ADAM22: variants seen among roughly 807,000 people sequenced by gnomAD.
ADAM22 encodes ADAM metallopeptidase domain 22, also known as disintegrin and metalloproteinase domain-containing protein 22.
Under a neutral mutation model 144.6 loss-of-function variants are expected in ADAM22, and 65 were observed. That is an observed-to-expected ratio of 0.45 (90% confidence interval 0.37 to 0.55). The LOEUF (loss-of-function observed/expected upper bound fraction) is 0.55, where lower values mean the gene tolerates loss of function less well. Ranked by LOEUF, ADAM22 falls within the 20% of genes least tolerant of loss-of-function variation. The probability of loss-of-function intolerance (pLI) is 0.00; values close to 1 mark genes in which losing one functional copy is unlikely to be tolerated. For missense variants in ADAM22, 974 were observed against 1,184.9 expected (o/e 0.82, Z 2.61); for synonymous variants, 391 against 412.6 (o/e 0.95, Z 0.63).
At chr7:88,140,975 G>A (rs1012033154) in intron 14 of ADAM22, among the ~76,000 whole-genome samples, 2 of 152,154 alleles carry the variant, frequency 1.3e-5, no homozygotes, top group African/African-American at 2.4e-5. Context: ...GGAGGGGGGA[G>A]AGGGTGTGTC....
chr7:88,048,762 G>A (rs1295467488), intron 3 of ADAM22, among the ~76,000 whole-genome samples: 1 of 152,008 alleles, frequency 6.6e-6, no homozygotes, highest in South Asian at 2.1e-4. Flanking sequence ...ATGGTTTATA[G>A]ATATTATAAT....
chr7:88,032,584 G>C (rs1171986490), intron 3 of ADAM22, among the ~76,000 whole-genome samples: 1 of 152,168 alleles, frequency 6.6e-6, no homozygotes, highest in African/African-American at 2.4e-5. Context: ...TTAAGACTTT[G>C]GGAGACTGTT....
chr7:88,005,869 TA>T (rs1276136933), intron 3 of ADAM22, among the ~76,000 whole-genome samples: 1 of 152,176 alleles, frequency 6.6e-6, no homozygotes, highest in Non-Finnish European at 1.5e-5. Flanking sequence ...ATAACATTTT[TA>T]AAAGCTGACA....
chr7:88,108,513 GAGGTCAGGAGTTCGAGACC>G (rs1276234919), intron 5 of ADAM22, among the ~76,000 whole-genome samples: 1 of 152,030 alleles, frequency 6.6e-6, no homozygotes, highest in African/African-American at 2.4e-5. Context: ...CAGATCACCT[GAGGTCAGGAGTTCGAGACC>G]AGCCCAGCCA....
intron 3 of ADAM22, among the ~76,000 whole-genome samples, chr7:88,059,349 G>A (rs1385476346): frequency 1.3e-5 from 2 of 152,164 alleles, no homozygotes; most frequent in African/African-American, 4.8e-5. Flanking sequence ...AAGAAAGAGA[G>A]CAGAGAAACA....
rs796611869 is a variant in ADAM22 at position 88,046,702 on chromosome 7, CTG to C, written c.324-28920_324-28919del. ...TTCCAAAAGTTTTATAGCTTCAGGT[CTG>C]TGTTTAAGTCTTTAGCCTATTTTGA... is the stretch of plus-strand genomic sequence containing the variant. On this transcript the variant is annotated intron_variant, in intron 3 of 31. Coordinates refer to ENST00000413139, the MANE Select transcript of ADAM22 (RefSeq NM_001324418.2). Among the ~76,000 whole-genome samples the C allele has an allele frequency of 1.2e-3, 190 of 152,202 alleles. 3 individuals are homozygous for C. Among genetic ancestry groups the C allele is most frequent in the African/African-American group, 4.4e-3 (184 of 41,526 alleles).
In ADAM22 at chr7:87,986,832, G is replaced by T. The variant is rs112058194; in HGVS notation, c.323+8420G>T. Among the ~76,000 whole-genome samples the T allele has an allele frequency of 4.4e-3, 665 of 152,010 alleles. 3 individuals carry two copies. The highest frequency in any genetic ancestry group is 0.015 in the African/African-American group (629 of 41,458). ...AATCTGGAGATTTTAGCATACTTAT[G>T]AGCCTGTTATTTAAATTGTAAATAA... is the stretch of plus-strand genomic sequence containing the variant. On this transcript the variant is annotated intron_variant, in intron 3 of 31. Transcript: ENST00000413139.
At chr7:87,956,506 G>A (rs924218948) in intron 2 of ADAM22, among the ~76,000 whole-genome samples, 11 of 152,174 alleles carry the variant, frequency 7.2e-5, no homozygotes, top group African/African-American at 2.7e-4. Flanking sequence ...ATACGATTGA[G>A]TTTTTGGTGT....
At chr7:88,163,451 T>G (rs1842239439) in intron 23 of ADAM22, among the ~76,000 whole-genome samples, 1 of 152,036 alleles carries the variant, frequency 6.6e-6, no homozygotes, top group Admixed American at 6.6e-5. Flanking sequence ...AATGCCAACT[T>G]TTTACAAGTG....
At chr7:88,181,678 A>C in intron 28 of ADAM22, 73 bp downstream of exon 28, 1 of 1,330,850 alleles carries the variant, frequency 7.5e-7, no homozygotes, top group Non-Finnish European at 1.1e-6. Context: ...GGTTGTAAAG[A>C]CTTTTATTTC....
chr7:88,047,890 TA>T (rs1269598905), intron 3 of ADAM22, among the ~76,000 whole-genome samples: 1 of 152,062 alleles, frequency 6.6e-6, no homozygotes, highest in Non-Finnish European at 1.5e-5. Context: ...TAAATAAAAT[TA>T]TTCACATATA....
chr7:87,950,289 TC>T (rs1296838049), intron 2 of ADAM22, among the ~76,000 whole-genome samples: 3 of 77,754 alleles, frequency 3.9e-5, no homozygotes, highest in African/African-American at 5.2e-5. Context: ...CCCTCCCCCC[TC>T]CCCCCACCCC....
At chr7:88,000,333 A>G (rs1792250462) in intron 3 of ADAM22, among the ~76,000 whole-genome samples, 1 of 152,208 alleles carries the variant, frequency 6.6e-6, no homozygotes, top group Non-Finnish European at 1.5e-5. Flanking sequence ...CACAGTATAG[A>G]AGCTAAGTAT....
Position 88,174,825 on chromosome 7 carries a change from T to G in ADAM22, c.2300+3264T>G, listed in dbSNP as rs574608597. On this transcript the variant is annotated intron_variant, in intron 26 of 31. Coordinates refer to ENST00000413139, the MANE Select transcript of ADAM22 (RefSeq NM_001324418.2). ...CCATTTCTTTTCTCTCTCACCTGTT[T>G]TAGCCACTTTATTTTCTACTTGTGA... Among the ~76,000 whole-genome samples, 6 of 152,274 alleles carry G rather than the reference T, an allele frequency of 3.9e-5. No homozygotes were observed. In the East Asian group the frequency reaches 1.2e-3, roughly 29 times the overall value.
intron 3 of ADAM22, among the ~76,000 whole-genome samples, chr7:88,005,226 A>C (rs1053473297): frequency 1.2e-4 from 19 of 152,158 alleles, no homozygotes; most frequent in African/African-American, 3.9e-4. Context: ...AGATTTCCTG[A>C]GCTGGTTGCC....
chr7:87,974,319 G>A (rs965665325), intron 2 of ADAM22, among the ~76,000 whole-genome samples: 4,482 of 141,976 alleles, frequency 0.032, 120 homozygotes, highest in Non-Finnish European at 0.049. Context: ...AAAAAAAAAA[G>A]AAAAAAAATA....
Position 88,181,489 on chromosome 7 carries a change from A to G in ADAM22, c.2496-16A>G, listed in dbSNP as rs1408157250. Reference sequence around the variant, plus strand: ...GGTTACATTTTTGAACAATTTATCAATATTTTCAATTTCAGGTCAAATGGG... The same window carrying G: ...GGTTACATTTTTGAACAATTTATCAGTATTTTCAATTTCAGGTCAAATGGG... On this transcript the variant is annotated splice_polypyrimidine_tract_variant and intron_variant, in intron 27 of 31. Coordinates refer to ENST00000413139, the MANE Select transcript of ADAM22 (RefSeq NM_001324418.2). 17 of 1,607,906 alleles carry G rather than the reference A, an allele frequency of 1.1e-5. No individual in the cohort carries two copies. Among genetic ancestry groups the G allele is most frequent in the Admixed American group, 1.7e-5 (1 of 59,862 alleles).
At chr7:87,935,436 A>G (rs1473687329) in intron 2 of ADAM22, among the ~76,000 whole-genome samples, 2 of 152,178 alleles carry the variant, frequency 1.3e-5, no homozygotes, top group Non-Finnish European at 2.9e-5. Context: ...CAGTGCGGTG[A>G]GCTGAGAGAA....
At chr7:88,109,820 A>T in intron 5 of ADAM22, among the ~76,000 whole-genome samples, 1 of 152,022 alleles carries the variant, frequency 6.6e-6, no homozygotes. Flanking sequence ...GAAACATGCC[A>T]CCTGAAGACA....
Sources: gnomAD v4.1 joint callset for allele counts (sites outside exome capture counted in the v4.1 genomes callset) on GRCh38, gnomAD v4.1.1 for gene constraint, MANE v1.5 for transcripts, NCBI Gene and HGNC (gene_info 2026-07-23, HGNC 2026-07-21) for gene names.